The following KCNC2 variants were observed in gnomAD, a reference collection of about 807,000 sequenced individuals.
The protein encoded by KCNC2 is voltage-gated potassium channel KCNC2.
In KCNC2, 21 loss-of-function variants were observed where a neutral mutation model predicts 44.5. The observed-to-expected ratio is 0.47, with a 90% CI of 0.33 to 0.68. The LOEUF (loss-of-function observed/expected upper bound fraction) is 0.68, where lower values mean the gene tolerates loss of function less well. KCNC2 is among the 30% of genes least tolerant of loss of function. The probability of loss-of-function intolerance (pLI) is 0.01; values close to 1 mark genes in which losing one functional copy is unlikely to be tolerated. For missense variants in KCNC2, 589 were observed against 826.2 expected, an observed-to-expected ratio of 0.71 and a Z score of 3.52; for synonymous variants, 391 against 339.1, an observed-to-expected ratio of 1.15 and a Z score of -1.68.
Position 75,043,205 on chromosome 12 carries a change from C to A in KCNC2, c.1817G>T (p.Gly606Val), listed in dbSNP as rs1880110780. ...EKSRSLNNIA[G>V]LAGNALRLSP... ...GAGCCTCAGAGCATTGCCTGCCAAG[C>A]CCGCTATGTTGTTTAAGCTTCGGGA... Residue 606 changes from glycine to valine, a missense_variant, in exon 5 of 5, where the codon GGC becomes GTC. By Grantham distance (109) the Gly-to-Val change is moderately radical. Transcript: ENST00000549446. 6.2e-7 allele frequency: 1 copy of A among 1,612,202 alleles called. No homozygotes were observed. Among genetic ancestry groups the A allele is most frequent in the Admixed American group, 1.7e-5 (1 of 59,804 alleles).
intron 2 of KCNC2, among the ~76,000 whole-genome samples, chr12:75,082,112 T>G (rs11180360): frequency 0.41 from 62,415 of 151,314 alleles, 16,034 homozygotes; most frequent in Non-Finnish European, 0.58. Flanking sequence ...AGGGATGTTG[T>G]GAATATCAAT....
intron 2 of KCNC2, among the ~76,000 whole-genome samples, chr12:75,159,633 G>A (rs1348986803): frequency 6.6e-6 from 1 of 151,818 alleles, no homozygotes; most frequent in Non-Finnish European, 1.5e-5. Flanking sequence ...AACATCGCTG[G>A]ACTAGGAGGT....
At chr12:75,104,017 G>C (rs559274417) in intron 2 of KCNC2, among the ~76,000 whole-genome samples, 2 of 152,114 alleles carry the variant, frequency 1.3e-5, no homozygotes, top group African/African-American at 4.8e-5. Context: ...CTGATGATGC[G>C]TCAGAAGGAG....
intron 2 of KCNC2, among the ~76,000 whole-genome samples, chr12:75,113,085 A>T (rs1481195078): frequency 3.3e-5 from 5 of 152,172 alleles, no homozygotes; most frequent in Non-Finnish European, 5.9e-5. Flanking sequence ...GTAATCTAAC[A>T]TAATTCAGAA....
chr12:75,070,657 T>C (rs531022386), intron 2 of KCNC2, among the ~76,000 whole-genome samples: 15 of 152,026 alleles, frequency 9.9e-5, no homozygotes, highest in African/African-American at 3.4e-4. Flanking sequence ...CAAATACATT[T>C]ACTACAAAAT....
intron 2 of KCNC2, among the ~76,000 whole-genome samples, chr12:75,094,836 T>C (rs1015912928): frequency 1.3e-5 from 2 of 151,698 alleles, no homozygotes. Flanking sequence ...ACTTACTGCC[T>C]CTCTCAAACT....
chr12:75,193,729 A>G (rs894980674), intron 2 of KCNC2, among the ~76,000 whole-genome samples: 1 of 151,968 alleles, frequency 6.6e-6, no homozygotes, highest in Non-Finnish European at 1.5e-5. Flanking sequence ...ACTTTTTTAG[A>G]CCTCCACAAT....
intron 2 of KCNC2, among the ~76,000 whole-genome samples, chr12:75,078,988 C>A (rs1221568662): frequency 6.6e-6 from 1 of 152,060 alleles, no homozygotes; most frequent in Admixed American, 6.6e-5. Flanking sequence ...AAGTACATTT[C>A]TTTACTTCAG....
At position 75,207,006 on chromosome 12, in the gene KCNC2, G is replaced by T. The variant is rs1357196040; in HGVS notation, c.687+291C>A. On this transcript the variant is annotated intron_variant, in intron 2 of 4. Transcript: ENST00000549446. This position sits in a 1 kb window ranked among gnomAD's most constrained non-coding sequence, Gnocchi z 4.1. ...ATCCTCATACCCGTTTCAGGACAGG[G>T]TCCAAAGACGTGCACAGAAAAGTCG... is the stretch of plus-strand genomic sequence containing the variant. Among the ~76,000 whole-genome samples the T allele has an allele frequency of 1.3e-5, 2 of 152,188 alleles. No homozygotes were observed. Among genetic ancestry groups the T allele is most frequent in the Non-Finnish European group, 2.9e-5 (2 of 68,034 alleles).
chr12:75,128,148 A>G (rs956851869), intron 2 of KCNC2, among the ~76,000 whole-genome samples: 2 of 152,196 alleles, frequency 1.3e-5, no homozygotes, highest in Admixed American at 1.3e-4. Context: ...AATATATTCA[A>G]CATAAAATGA....
chr12:75,117,547 C>T (rs1406404278), intron 2 of KCNC2, among the ~76,000 whole-genome samples: 1 of 152,028 alleles, frequency 6.6e-6, no homozygotes, highest in African/African-American at 2.4e-5. Flanking sequence ...ATTACTTACT[C>T]CTTAACAAAG....
chr12:75,055,814 CA>C (rs1881683766), intron 2 of KCNC2, among the ~76,000 whole-genome samples: 1 of 151,916 alleles, frequency 6.6e-6, no homozygotes, highest in South Asian at 2.1e-4. Flanking sequence ...CAATTTACCT[CA>C]ATGCAAATAT....
chr12:75,066,984 C>T (rs1169211873), intron 2 of KCNC2, among the ~76,000 whole-genome samples: 3 of 152,138 alleles, frequency 2.0e-5, no homozygotes, highest in Non-Finnish European at 2.9e-5. Context: ...AGGCAGATTA[C>T]ATGAGTCCAG....
rs201880430 is a variant in KCNC2, at chr12:75,050,500, T to G, written c.1505A>C (p.Gln502Pro). 446 of 1,613,672 alleles carry G rather than the reference T, an allele frequency of 2.8e-4. 1 individual carries two copies. The highest frequency in any genetic ancestry group is 2.5e-3 in the South Asian group (227 of 91,082). Residue 502 changes from glutamine (Q) to proline (P), a missense_variant, in exon 3 of 5, where the codon CAG becomes CCG. Gln to Pro is a moderately conservative substitution (Grantham distance 76). Around this residue, in one of 7 missense-constraint regions of KCNC2, gnomAD observed 171 missense variants for 182.4 expected, o/e 0.94. Coordinates refer to ENST00000549446, the MANE Select transcript of KCNC2 (RefSeq NM_139137.4). ...CTTGCAAAAAGTAGGTGAGCTTGCC[T>G]GAGGAGCAGGAGGGATGTGCTTCTT... is the stretch of plus-strand genomic sequence containing the variant. ...KRKKHIPPAPQASSPTFCKTE... is the reference protein window; with the variant it reads ...KRKKHIPPAPPASSPTFCKTE...
intron 2 of KCNC2, among the ~76,000 whole-genome samples, chr12:75,113,981 C>G (rs1244508569): frequency 3.3e-5 from 5 of 152,150 alleles, no homozygotes; most frequent in Non-Finnish European, 7.3e-5. Flanking sequence ...CCCAAAGAAA[C>G]ACACATACAC....
rs73355635 is a variant in KCNC2, at chr12:75,148,317, G to A, written c.687+58980C>T. Among the ~76,000 whole-genome samples, 1,487 of 152,092 alleles carry A rather than the reference G, an allele frequency of 9.8e-3. 22 individuals carry two copies. Among genetic ancestry groups the A allele is most frequent in the African/African-American group, 0.034 (1,418 of 41,548 alleles). On this transcript the variant is annotated intron_variant, in intron 2 of 4. Coordinates refer to ENST00000549446, the MANE Select transcript of KCNC2 (RefSeq NM_139137.4). ...CCTCCATCGAAACTGACAACCATAA[G>A]CTCTTCCATGGCTGACATGGGAGCT...
intron 2 of KCNC2, among the ~76,000 whole-genome samples, chr12:75,172,670 A>T (rs1214192212): frequency 6.6e-6 from 1 of 151,854 alleles, no homozygotes; most frequent in Non-Finnish European, 1.5e-5. Flanking sequence ...AAAACATTCT[A>T]TGCTAGCTGT....
chr12:75,071,636 G>C (rs1349635155), intron 2 of KCNC2, among the ~76,000 whole-genome samples: 1 of 152,116 alleles, frequency 6.6e-6, no homozygotes, highest in Non-Finnish European at 1.5e-5. Context: ...CTATCATGAA[G>C]AACAACTAAC....
chr12:75,100,624 T>C (rs1241779444), intron 2 of KCNC2, among the ~76,000 whole-genome samples: 5 of 152,070 alleles, frequency 3.3e-5, no homozygotes, highest in Non-Finnish European at 7.4e-5. Context: ...GTTACTATCA[T>C]ATATTCTAAA....
Sources: allele counts gnomAD v4.1 joint callset (sites outside exome capture counted in the v4.1 genomes callset), GRCh38; gene constraint gnomAD v4.1.1; regional missense constraint gnomAD v4.1.1; non-coding constraint Gnocchi (gnomAD v3.1); transcripts MANE v1.5; gene names NCBI Gene and HGNC (gene_info 2026-07-23, HGNC 2026-07-21).